The following C8orf34 variants were observed in gnomAD, a reference collection of about 807,000 sequenced individuals.
The protein encoded by C8orf34 is uncharacterized protein C8orf34.
Under a neutral mutation model 68.3 loss-of-function variants are expected in C8orf34, and 65 were observed. That is an observed-to-expected ratio of 0.95 (90% CI 0.78 to 1.17). The LOEUF is 1.17. C8orf34 is among the 50% of genes most tolerant of loss of function. The pLI, the probability that C8orf34 is intolerant of heterozygous loss-of-function variation, is 0.00. For synonymous variants in C8orf34, 244 were observed against 241.2 expected, an observed-to-expected ratio of 1.01 and a Z score of -0.11; for missense variants, 664 against 655.4, an observed-to-expected ratio of 1.01 and a Z score of -0.14.
intron 8 of C8orf34, among the ~76,000 whole-genome samples, chr8:68,692,508 C>T (rs1389203749): frequency 1.3e-5 from 2 of 151,790 alleles, no homozygotes; most frequent in Non-Finnish European, 2.9e-5. Context: ...TGAATTCCAG[C>T]TTATATAGTG....
chr8:68,668,600 C>G (rs1299304536), intron 8 of C8orf34, among the ~76,000 whole-genome samples: 3 of 152,116 alleles, frequency 2.0e-5, no homozygotes, highest in South Asian at 2.1e-4. Context: ...ACAAGATGAC[C>G]TGGTAGGCAG....
At chr8:68,748,886 G>A (rs186779658) in intron 10 of C8orf34, among the ~76,000 whole-genome samples, 3 of 152,200 alleles carry the variant, frequency 2.0e-5, no homozygotes, top group East Asian at 3.9e-4. Flanking sequence ...CCCATTACTG[G>A]GTATACACCC....
intron 3 of C8orf34, among the ~76,000 whole-genome samples, 161 bp from the exon 4 acceptor site, chr8:68,468,531 T>A (rs1812242630): frequency 1.3e-5 from 2 of 152,126 alleles, no homozygotes. Flanking sequence ...TAAGCCTGGC[T>A]TCATATCTTC....
chr8:68,601,280 G>C (rs899972327), intron 7 of C8orf34, among the ~76,000 whole-genome samples: 5 of 151,894 alleles, frequency 3.3e-5, no homozygotes, highest in Non-Finnish European at 7.4e-5. Context: ...TGAATCCATA[G>C]GTTTATGTTT....
intron 7 of C8orf34, among the ~76,000 whole-genome samples, chr8:68,577,537 A>T (rs1258537842): frequency 2.0e-5 from 3 of 152,006 alleles, no homozygotes; most frequent in Non-Finnish European, 4.4e-5. Context: ...TATTATATGC[A>T]TTATTAAAAA....
chr8:68,777,426 G>A (rs1337613820), intron 11 of C8orf34, among the ~76,000 whole-genome samples: 2 of 152,154 alleles, frequency 1.3e-5, no homozygotes, highest in Non-Finnish European at 2.9e-5. Context: ...AATTACTAAC[G>A]TGCAATGTAA....
intron 12 of C8orf34, among the ~76,000 whole-genome samples, chr8:68,796,165 C>T (rs947234797): frequency 6.6e-6 from 1 of 152,290 alleles, no homozygotes; most frequent in Non-Finnish European, 1.5e-5. Flanking sequence ...AGTTAAAACC[C>T]CACATAACTC....
intron 10 of C8orf34, among the ~76,000 whole-genome samples, chr8:68,745,340 A>C (rs1226999124): frequency 6.6e-6 from 1 of 152,136 alleles, no homozygotes; most frequent in Non-Finnish European, 1.5e-5. Context: ...TGAGCAAAAT[A>C]ACCAGCTAAC....
chr8:68,528,931 C>T (rs541627653), intron 6 of C8orf34, among the ~76,000 whole-genome samples: 90 of 152,308 alleles, frequency 5.9e-4, no homozygotes, highest in African/African-American at 2.2e-3. Context: ...TTCCCTATGG[C>T]TATGGGTGAG....
At chr8:68,409,598 T>C (rs1360018119) in intron 1 of C8orf34, among the ~76,000 whole-genome samples, 2 of 152,212 alleles carry the variant, frequency 1.3e-5, no homozygotes, top group Non-Finnish European at 2.9e-5. Flanking sequence ...TAAAGGTTTA[T>C]AAAGTAAAAA....
chr8:68,436,216 A>C (rs1810659759), intron 1 of C8orf34, among the ~76,000 whole-genome samples: 1 of 152,174 alleles, frequency 6.6e-6, no homozygotes, highest in Non-Finnish European at 1.5e-5. Flanking sequence ...TCCCTATCAA[A>C]AAAAAGAAAA....
chr8:68,534,696 C>T (rs1815388314), intron 7 of C8orf34: 2 of 985,374 alleles, frequency 2.0e-6, no homozygotes, highest in South Asian at 9.4e-5. Context: ...GATTGTGCTC[C>T]ATAACTATAC....
At chr8:68,667,627 G>A (rs547875744) in intron 8 of C8orf34, among the ~76,000 whole-genome samples, 20 of 152,100 alleles carry the variant, frequency 1.3e-4, no homozygotes, top group Non-Finnish European at 8.8e-5. Context: ...TTATAAATAC[G>A]TCAATGACTA....
intron 9 of C8orf34, 139 bp downstream of exon 9, chr8:68,709,218 C>T (rs1174616220): frequency 4.5e-6 from 3 of 669,842 alleles, no homozygotes; most frequent in Non-Finnish European, 7.9e-6. Context: ...ACCGCTGGCA[C>T]ACTCCTTGGG....
intron 1 of C8orf34, among the ~76,000 whole-genome samples, chr8:68,380,168 T>C (rs991979289): frequency 3.1e-4 from 47 of 152,338 alleles, no homozygotes; most frequent in African/African-American, 1.0e-3. Flanking sequence ...AGCCTTCTTG[T>C]TGCATGTTAA....
intron 7 of C8orf34, among the ~76,000 whole-genome samples, chr8:68,537,977 A>G (rs959774659): frequency 5.3e-5 from 8 of 152,196 alleles, no homozygotes; most frequent in African/African-American, 1.9e-4. Flanking sequence ...AAATAAATCA[A>G]CATAGTAGAA....
chr8:68,598,409 TTA>T (rs919157886), intron 7 of C8orf34, among the ~76,000 whole-genome samples: 17 of 152,178 alleles, frequency 1.1e-4, no homozygotes, highest in Middle Eastern at 3.4e-3. Flanking sequence ...GACCCAAGGT[TTA>T]TATGTTATGC....
intron 7 of C8orf34, among the ~76,000 whole-genome samples, chr8:68,632,720 A>G (rs1818728614): frequency 6.6e-6 from 1 of 152,136 alleles, no homozygotes; most frequent in Non-Finnish European, 1.5e-5. Flanking sequence ...CCTGCATCCC[A>G]GCCACTCCAG....
intron 8 of C8orf34, among the ~76,000 whole-genome samples, chr8:68,675,854 A>T (rs980848000): frequency 1.2e-4 from 19 of 152,182 alleles, no homozygotes; most frequent in Admixed American, 1.0e-3. Context: ...AACACATTTC[A>T]CCTGTAAAGA....
Sources: allele counts gnomAD v4.1 joint callset (sites outside exome capture counted in the v4.1 genomes callset), GRCh38; gene constraint gnomAD v4.1.1; transcripts MANE v1.5; gene names NCBI Gene and HGNC (gene_info 2026-07-23, HGNC 2026-07-21).